The following GAS2L1 variants were observed in gnomAD, a reference collection of about 807,000 sequenced individuals.
GAS2L1 encodes the protein GAS2-like protein 1.
In GAS2L1, 26 loss-of-function variants were observed where a neutral mutation model predicts 44.0. That is an observed-to-expected ratio of 0.59 (90% CI 0.43 to 0.82). GAS2L1 has a LOEUF of 0.82. Ranked by LOEUF, GAS2L1 falls within the 40% of genes least tolerant of loss-of-function variation. GAS2L1 has a pLI of 0.00. For missense variants in GAS2L1, 1,006 were observed against 983.0 expected (o/e 1.02, Z -0.31); for synonymous variants, 426 against 415.9 (o/e 1.02, Z -0.30).
exon 1 of GAS2L1, chr22:29,308,717 C>T (rs770295311): frequency 1.3e-6 from 2 of 1,495,768 alleles, no homozygotes; most frequent in East Asian, 4.6e-5. Flanking sequence ...CACCCAGCGA[C>T]CTGCGCAACC....
rs2061358039 is a variant in GAS2L1, at chr22:29,307,168, C to G, written c.-938C>G. The stretch of plus-strand genomic sequence containing the variant: ...GGATGAGCCAGGTGAGCGCGGAGAC[C>G]CCCAGCACTCCCTGCCTGGTGCGCA... On this transcript the variant is annotated 5_prime_UTR_variant, in exon 1 of 5. Coordinates refer to ENST00000618518, the Ensembl canonical transcript of GAS2L1. 6.6e-6 allele frequency: 1 copy of G among 151,942 alleles called. No homozygotes were observed. The highest frequency in any genetic ancestry group is 2.4e-5 in the African/African-American group (1 of 41,370). 9.4% of individuals were successfully genotyped at this position (151,942 alleles called of 1,614,324 possible).
At position 29,308,755 on chromosome 22, in the gene GAS2L1, C is replaced by T; in HGVS notation, c.633+17C>T. The stretch of plus-strand genomic sequence containing the variant: ...GACGAGCTGGTGAGTCCCCCAGCAC[C>T]AGGTGCCAGGGACCCGACAGCACAG... On this transcript the variant is annotated intron_variant, in intron 1 of 4. Transcript: ENST00000618518. 6.8e-7 allele frequency: 1 copy of T among 1,478,520 alleles called. No homozygotes were observed. Among genetic ancestry groups the T allele is most frequent in the South Asian group, 1.4e-5 (1 of 72,078 alleles). The allele number at this position is 1,478,520 out of a possible 1,614,324, so 91.6% of individuals were successfully genotyped here.
At chr22:29,312,661 T>C in exon 5 of GAS2L1, 1 of 460,302 alleles carries the variant, frequency 2.2e-6, no homozygotes, top group East Asian at 3.2e-5. Flanking sequence ...TACATTCCGG[T>C]TGGGGGATGA....
chr22:29,307,775 C>G (rs2061363237), exon 1 of GAS2L1: 1 of 213,714 alleles, frequency 4.7e-6, no homozygotes. Context: ...CAGCCCTTCA[C>G]AATGGGCGCG....
At chr22:29,311,029 T>G in intron 4 of GAS2L1, 31 bp downstream of exon 5, 1 of 1,590,702 alleles carries the variant, frequency 6.3e-7, no homozygotes, top group Non-Finnish European at 8.6e-7. Flanking sequence ...GAGTGAGGGG[T>G]CCAGAGGGTG....
chr22:29,308,528 G>A (rs772201234), exon 1 of GAS2L1: 5 of 1,606,860 alleles, frequency 3.1e-6, no homozygotes, highest in Admixed American at 1.7e-5. Flanking sequence ...TGTGCCTGCT[G>A]GAGGTGGCGC....
exon 1 of GAS2L1, chr22:29,308,672 C>A: frequency 6.6e-7 from 1 of 1,523,620 alleles, no homozygotes; most frequent in East Asian, 2.3e-5. Context: ...AAACCGCCCC[C>A]GCACCAGGGA....
exon 5 of GAS2L1, chr22:29,311,870 G>A (rs1479556562): frequency 6.3e-7 from 1 of 1,596,816 alleles, no homozygotes; most frequent in Non-Finnish European, 8.5e-7. Flanking sequence ...GCACCCCCCA[G>A]ACTCCCCGTG....
chr22:29,309,423 C>T (rs1402877715), intron 1 of GAS2L1, among the ~76,000 whole-genome samples: 5 of 152,270 alleles, frequency 3.3e-5, no homozygotes, highest in Non-Finnish European at 5.9e-5. Flanking sequence ...CAAGAGTTTC[C>T]TTCTTATCAG....
chr22:29,308,766 G>C (rs771498880), intron 1 of GAS2L1, 28 bp downstream of exon 2: 1 of 1,468,950 alleles, frequency 6.8e-7, no homozygotes, highest in Non-Finnish European at 9.0e-7. Context: ...AGGTGCCAGG[G>C]ACCCGACAGC....
At chr22:29,308,459 G>A (rs2061371502) in exon 1 of GAS2L1, 1 of 1,607,132 alleles carries the variant, frequency 6.2e-7, no homozygotes, top group East Asian at 2.2e-5. Context: ...GTGTGCCGGA[G>A]GTGCTCATGT....
At chr22:29,308,012 G>T in exon 1 of GAS2L1, 1 of 1,020,930 alleles carries the variant, frequency 9.8e-7, no homozygotes, top group Non-Finnish European at 1.3e-6. Context: ...ACTGGTGCAG[G>T]TGGCCAGCAG....
chr22:29,310,032 C>T (rs988158953), intron 1 of GAS2L1, among the ~76,000 whole-genome samples: 7 of 152,052 alleles, frequency 4.6e-5, no homozygotes, highest in Non-Finnish European at 7.4e-5. Flanking sequence ...GAGGCCGAGG[C>T]GGGTGGAACT....
chr22:29,310,569 G>T (rs1389510821), intron 2 of GAS2L1, 23 bp downstream of exon 3: 12 of 1,582,746 alleles, frequency 7.6e-6, no homozygotes, highest in Non-Finnish European at 1.0e-5. Context: ...GGCCGCCCCA[G>T]CGGGCAGCAG....
At position 29,310,342 on chromosome 22, in the gene GAS2L1, C is replaced by G. The variant is rs1469894410; in HGVS notation, c.634-97C>G. ...GCAACACTGCCTCCATCCACTTACC[C>G]GGAAAGCCTGACTTCCTCCTGACCC... is the stretch of plus-strand genomic sequence containing the variant. On this transcript the variant is annotated intron_variant, in intron 1 of 4. Coordinates refer to ENST00000618518, the Ensembl canonical transcript of GAS2L1. 3 of 711,328 alleles carry G rather than the reference C, an allele frequency of 4.2e-6. 1 individual carries two copies. Among genetic ancestry groups the G allele is most frequent in the South Asian group, 3.4e-5 (2 of 59,522 alleles). The allele number at this position is 711,328 out of a possible 1,614,324, so 44.1% of individuals were successfully genotyped here. A position where few individuals can be genotyped will look rare whatever the true frequency, so the allele number is the denominator to read the frequency against.
exon 5 of GAS2L1, chr22:29,312,138 T>A: frequency 1.9e-6 from 3 of 1,612,866 alleles, no homozygotes; most frequent in Non-Finnish European, 2.5e-6. Flanking sequence ...CTATTGTTCC[T>A]CCAGTTCCTC....
At chr22:29,310,896 G>A (rs572882535) in exon 4 of GAS2L1, 12 of 1,613,454 alleles carry the variant, frequency 7.4e-6, no homozygotes, top group South Asian at 3.3e-5. Flanking sequence ...ACCAGTCCCC[G>A]CCCTGCTAGC....
chr22:29,311,925 A>G, exon 5 of GAS2L1: 1 of 1,604,176 alleles, frequency 6.2e-7, no homozygotes, highest in South Asian at 1.1e-5. Context: ...CTCCAGCCCC[A>G]GTCCAGAGTT....
exon 5 of GAS2L1, chr22:29,312,662 T>TG: frequency 2.2e-6 from 1 of 459,578 alleles, no homozygotes; most frequent in Non-Finnish European, 3.8e-6. Flanking sequence ...ACATTCCGGT[T>TG]GGGGGATGAG....
Sources: gnomAD v4.1 joint callset for allele counts (sites outside exome capture counted in the v4.1 genomes callset) on GRCh38, gnomAD v4.1.1 for gene constraint, MANE v1.5 for transcripts, NCBI Gene and HGNC (gene_info 2026-07-23, HGNC 2026-07-21) for gene names.